ARB2A: variants seen among roughly 807,000 people sequenced by gnomAD.
ARB2A encodes ARB2 cotranscriptional regulator A.
the ARB2A span, among the ~76,000 whole-genome samples, chr5:93,749,616 A>G: frequency 6.6e-6 from 1 of 152,190 alleles, no homozygotes; most frequent in African/African-American, 2.4e-5. Context: ...TGTGATTGTG[A>G]ATATTTATCT....
the ARB2A span, among the ~76,000 whole-genome samples, chr5:93,810,218 A>G: frequency 6.6e-6 from 1 of 150,924 alleles, no homozygotes; most frequent in Non-Finnish European, 1.5e-5. Context: ...TTTAAACCCA[A>G]TTAGAATGAA....
the ARB2A span, among the ~76,000 whole-genome samples, chr5:93,773,926 C>CT: frequency 2.0e-5 from 3 of 152,146 alleles, no homozygotes; most frequent in Admixed American, 2.0e-4. Context: ...CACCACCATA[C>CT]TTGGCTAATA....
chr5:93,844,126 A>C, the ARB2A span, among the ~76,000 whole-genome samples: 3 of 151,822 alleles, frequency 2.0e-5, no homozygotes, highest in Non-Finnish European at 1.5e-5. Flanking sequence ...AAAACAAAAA[A>C]AAAAACAAAA....
chr5:93,695,724 A>T, the ARB2A span, among the ~76,000 whole-genome samples: 2 of 152,226 alleles, frequency 1.3e-5, no homozygotes, highest in South Asian at 4.1e-4. Context: ...TACCAGAAAG[A>T]CATATGCACA....
chr5:94,083,536 T>TA, the ARB2A span, among the ~76,000 whole-genome samples: 131 of 152,110 alleles, frequency 8.6e-4, no homozygotes, highest in African/African-American at 3.1e-3. Flanking sequence ...ACAAAAAGGT[T>TA]AAAAAAACAA....
At chr5:93,815,109 T>C in the ARB2A span, among the ~76,000 whole-genome samples, 1 of 152,142 alleles carries the variant, frequency 6.6e-6, no homozygotes, top group South Asian at 2.1e-4. Context: ...TCCCAAAGAA[T>C]TGGGATTACA....
chr5:94,087,406 TA>T, the ARB2A span, among the ~76,000 whole-genome samples: 22 of 151,238 alleles, frequency 1.5e-4, no homozygotes, highest in African/African-American at 3.2e-4. Context: ...TCCCATCTCT[TA>T]AAAAAAAATT....
the ARB2A span, among the ~76,000 whole-genome samples, chr5:94,015,231 G>A: frequency 5.3e-5 from 8 of 152,212 alleles, no homozygotes; most frequent in South Asian, 1.5e-3. Context: ...CCAGAAGGGA[G>A]TGAGATGACA....
chr5:93,962,439 T>C, the ARB2A span, among the ~76,000 whole-genome samples: 1 of 152,188 alleles, frequency 6.6e-6, no homozygotes, highest in Non-Finnish European at 1.5e-5. Flanking sequence ...TCATAATGTT[T>C]ACTATCAAAT....
the ARB2A span, chr5:93,734,383 G>A: frequency 2.6e-5 from 4 of 152,252 alleles, no homozygotes; most frequent in Admixed American, 2.6e-4. Flanking sequence ...TTGAAAAAGT[G>A]GCAAAAGGGA....
At chr5:93,765,343 A>G in the ARB2A span, among the ~76,000 whole-genome samples, 33 of 152,384 alleles carry the variant, frequency 2.2e-4, no homozygotes, top group African/African-American at 7.9e-4. Flanking sequence ...CAACTTCAGC[A>G]AAGTCTCAGG....
chr5:93,904,087 A>G, the ARB2A span, among the ~76,000 whole-genome samples: 1 of 151,912 alleles, frequency 6.6e-6, no homozygotes, highest in Non-Finnish European at 1.5e-5. Flanking sequence ...GAAAGGAAGG[A>G]AAGAAAAAAC....
the ARB2A span, chr5:93,964,306 C>G: frequency 1.8e-6 from 1 of 553,956 alleles, no homozygotes; most frequent in Non-Finnish European, 3.3e-6. Flanking sequence ...TACTAATAAG[C>G]ATTTAAAATT....
chr5:93,995,125 A>G, the ARB2A span, among the ~76,000 whole-genome samples: 3 of 152,206 alleles, frequency 2.0e-5, no homozygotes, highest in African/African-American at 4.8e-5. Flanking sequence ...GTATTAAATC[A>G]TAACTGCATA....
At chr5:93,853,765 G>A in the ARB2A span, among the ~76,000 whole-genome samples, 1 of 152,188 alleles carries the variant, frequency 6.6e-6, no homozygotes, top group African/African-American at 2.4e-5. Flanking sequence ...TACATAAATT[G>A]ATTTGCGTAT....
the ARB2A span, among the ~76,000 whole-genome samples, chr5:94,105,274 T>C: frequency 6.6e-6 from 1 of 152,074 alleles, no homozygotes; most frequent in Admixed American, 6.6e-5. Flanking sequence ...CTAGATCTGA[T>C]AAACAACTTC....
the ARB2A span, among the ~76,000 whole-genome samples, chr5:93,928,357 T>C: frequency 1.3e-5 from 2 of 152,310 alleles, no homozygotes; most frequent in South Asian, 2.1e-4. Context: ...AATTCATCCA[T>C]AGGCAAATAT....
the ARB2A span, among the ~76,000 whole-genome samples, chr5:93,888,406 G>A: frequency 3.9e-4 from 59 of 151,846 alleles, no homozygotes; most frequent in African/African-American, 1.4e-3. Context: ...ATCCCTAAAT[G>A]AATTTAGGAA....
chr5:93,628,959 A>G, the ARB2A span, among the ~76,000 whole-genome samples: 2 of 152,184 alleles, frequency 1.3e-5, no homozygotes, highest in Non-Finnish European at 2.9e-5. Context: ...TTGCATTCAC[A>G]ACTTGGCTAA....
Sources: gnomAD v4.1 joint callset for allele counts (sites outside exome capture counted in the v4.1 genomes callset) on GRCh38, gnomAD v4.1.1 for gene constraint, MANE v1.5 for transcripts, NCBI Gene and HGNC (gene_info 2026-07-23, HGNC 2026-07-21) for gene names.